The following NME9 variants were observed in gnomAD, a reference collection of about 807,000 sequenced individuals.
NME9 encodes thioredoxin domain-containing protein 6.
NME9 carries 48 observed loss-of-function variants against 44.4 expected under a neutral mutation model. The ratio of observed to expected loss-of-function variants is 1.08; its 90% CI spans 0.86 to 1.37. NME9 has a LOEUF of 1.37. Ranked by LOEUF, NME9 falls within the 40% of genes most tolerant of loss-of-function variation. NME9 has a pLI of 0.00. For missense variants in NME9, 325 were observed against 405.2 expected (o/e 0.80, Z 1.70); for synonymous variants, 139 against 147.1 (o/e 0.94, Z 0.40).
intron 8 of NME9, among the ~76,000 whole-genome samples, chr3:138,276,658 CAG>C (rs2049326359): frequency 6.6e-6 from 1 of 152,138 alleles, no homozygotes; most frequent in Admixed American, 6.5e-5. Context: ...AGATATTAAA[CAG>C]TACCATTTGC....
chr3:138,286,525 C>T (rs1035486207), intron 8 of NME9, among the ~76,000 whole-genome samples: 29 of 152,170 alleles, frequency 1.9e-4, no homozygotes, highest in Non-Finnish European at 1.5e-5. Context: ...ATCTCTGGAC[C>T]CTTTTCTCTT....
At chr3:138,284,986 A>G (rs2050268217) in intron 8 of NME9, among the ~76,000 whole-genome samples, 1 of 152,218 alleles carries the variant, frequency 6.6e-6, no homozygotes, top group Admixed American at 6.5e-5. Flanking sequence ...CATTGCCAAA[A>G]TGTGGGTATC....
intron 2 of NME9, chr3:138,324,654 C>T (rs2053662837): frequency 7.8e-6 from 5 of 644,240 alleles, no homozygotes; most frequent in Non-Finnish European, 1.4e-5. Flanking sequence ...TAAGTACTGA[C>T]TCATTTCCTG....
At chr3:138,290,078 G>T (rs974954805) in intron 8 of NME9, among the ~76,000 whole-genome samples, 3 of 152,210 alleles carry the variant, frequency 2.0e-5, no homozygotes, top group African/African-American at 7.2e-5. Flanking sequence ...AATTGGAAGT[G>T]CCAGCTGTGC....
At position 138,318,115 on chromosome 3, in the gene NME9, G is replaced by A. The variant is rs146963021; in HGVS notation, c.267+33C>T. ...TTTTGAACTCTAATGATTTGCAATCGTCAAATAGTTCTGATTCTGAAAATG... is the reference window on the plus strand; with the variant it reads ...TTTTGAACTCTAATGATTTGCAATCATCAAATAGTTCTGATTCTGAAAATG... On this transcript the variant is annotated intron_variant, in intron 4 of 10. Coordinates refer to ENST00000333911, the MANE Select transcript of NME9 (RefSeq NM_001349018.2). 8.4e-4 allele frequency: 1,109 copies of A among 1,318,306 alleles called. 3 individuals carry two copies. In the African/African-American group the frequency reaches 9.7e-3, roughly 12 times the overall value. 81.7% of individuals were successfully genotyped at this position (1,318,306 alleles called of 1,614,324 possible).
chr3:138,312,405 T>G lies in NME9; in HGVS notation c.460+1927A>C, dbSNP rs531567960. Reference sequence around the variant, plus strand: ...TATAGTGACCAAAACAGCAAAATACTAGCATAAAAACAGACACAGAATAGC... The same window carrying G: ...TATAGTGACCAAAACAGCAAAATACGAGCATAAAAACAGACACAGAATAGC... On this transcript the variant is annotated intron_variant, in intron 6 of 10. Coordinates refer to ENST00000333911, the MANE Select transcript of NME9 (RefSeq NM_001349018.2). 3.0e-4 allele frequency among the ~76,000 whole-genome samples: 45 copies of G among 152,216 alleles called. No individual in the cohort carries two copies. In the South Asian group the frequency reaches 7.7e-3, roughly 26 times the overall value.
intron 8 of NME9, chr3:138,288,877 T>A (rs2050680051): frequency 7.2e-6 from 4 of 557,784 alleles, no homozygotes; most frequent in Non-Finnish European, 1.3e-5. Context: ...ACCTCGATCT[T>A]CCACCTGCCT....
intron 8 of NME9, chr3:138,263,789 G>C (rs778113002): frequency 2.5e-6 from 4 of 1,614,014 alleles, no homozygotes; most frequent in Non-Finnish European, 3.4e-6. Flanking sequence ...GCTTGTCTGA[G>C]TCTAGTGTCA....
At chr3:138,267,246 G>T in intron 8 of NME9, 1 of 1,533,380 alleles carries the variant, frequency 6.5e-7, no homozygotes, top group Non-Finnish European at 8.9e-7. Flanking sequence ...AAAGAGGTTA[G>T]TATTGATTTT....
chr3:138,292,099 G>A (rs1300477774), intron 8 of NME9, among the ~76,000 whole-genome samples: 1 of 151,928 alleles, frequency 6.6e-6, no homozygotes, highest in Admixed American at 6.6e-5. Flanking sequence ...GTGCAATGGC[G>A]TGATCTTGGC....
chr3:138,312,751 A>C (rs1024505457), intron 6 of NME9, among the ~76,000 whole-genome samples: 1 of 152,234 alleles, frequency 6.6e-6, no homozygotes, highest in Non-Finnish European at 1.5e-5. Context: ...AAAAATAGAT[A>C]AATGAGATCA....
intron 8 of NME9, chr3:138,270,082 A>C (rs763452866): frequency 6.2e-7 from 1 of 1,613,640 alleles, no homozygotes; most frequent in Non-Finnish European, 8.5e-7. Context: ...TTGTGGATTA[A>C]CTCAGAGTGA....
chr3:138,274,998 T>C (rs975218462), intron 8 of NME9, among the ~76,000 whole-genome samples: 2 of 152,180 alleles, frequency 1.3e-5, no homozygotes, highest in African/African-American at 4.8e-5. Flanking sequence ...TTATTCCTCA[T>C]CCCATAACCC....
downstream of NME9, among the ~76,000 whole-genome samples, chr3:138,299,412 C>T (rs541644027): frequency 2.2e-4 from 33 of 152,206 alleles, no homozygotes; most frequent in East Asian, 7.7e-4. Flanking sequence ...ACCCAGGAGC[C>T]GAGGGATCTT....
rs1002006495 is a variant in NME9, at chr3:138,274,311, C to T, written c.746-11725G>A. On this transcript the variant is annotated intron_variant, in intron 8 of 8. Transcript: ENST00000317876. ...GCTTCAAAATATAATAAACACTGTT[C>T]TTTGGCATCTAGTTCTATATGCTAT... 8 of 592,140 alleles carry T rather than the reference C, an allele frequency of 1.4e-5. No individual in the cohort carries two copies. The African/African-American group carries it at 1.5e-4, about 11-fold the overall frequency. 36.7% of individuals were successfully genotyped at this position (592,140 alleles called of 1,614,324 possible). A position where few individuals can be genotyped will look rare whatever the true frequency, so the allele number is the denominator to read the frequency against.
At chr3:138,285,907 C>T (rs777489601) in intron 8 of NME9, among the ~76,000 whole-genome samples, 2 of 152,154 alleles carry the variant, frequency 1.3e-5, no homozygotes, top group Admixed American at 6.5e-5. Context: ...TCATACCCAT[C>T]GAGACATACC....
In NME9 at chr3:138,301,208, TTTATTA is replaced by T. The variant is rs1026067756; in HGVS notation, c.*426_*431del. 1.3e-6 allele frequency: 1 copy of T among 752,546 alleles called. No individual in the cohort carries two copies. The highest frequency in any genetic ancestry group is 1.6e-6 in the Non-Finnish European group (1 of 617,856). 46.6% of individuals were successfully genotyped at this position (752,546 alleles called of 1,614,324 possible). A position where few individuals can be genotyped will look rare whatever the true frequency, so the allele number is the denominator to read the frequency against. On this transcript the variant is annotated 3_prime_UTR_variant, in exon 11 of 11. Coordinates refer to ENST00000333911, the MANE Select transcript of NME9 (RefSeq NM_001349018.2). ...ACTATTCTCTTTCTTTACTTTTTTT[TTTATTA>T]TTATTATTAAGATGGAGTCTCACTC...
intron 9 of NME9, 150 bp from the exon 10 acceptor site, chr3:138,303,793 A>G: frequency 2.8e-6 from 2 of 703,198 alleles, no homozygotes; most frequent in Non-Finnish European, 4.7e-6. Context: ...AACAGCAGCA[A>G]TGATAATAGC....
downstream of NME9, chr3:138,298,211 TGC>T (rs2051652177): frequency 6.6e-6 from 1 of 152,252 alleles, no homozygotes; most frequent in Non-Finnish European, 1.5e-5. Flanking sequence ...TCTCCTTTTG[TGC>T]CCTGATTGTA....
Sources: gnomAD v4.1 joint callset for allele counts (sites outside exome capture counted in the v4.1 genomes callset) on GRCh38, gnomAD v4.1.1 for gene constraint, MANE v1.5 for transcripts, NCBI Gene and HGNC (gene_info 2026-07-23, HGNC 2026-07-21) for gene names.